The following RBFOX2 variants were observed in gnomAD, a reference collection of about 807,000 sequenced individuals.
RBFOX2 encodes the protein RNA binding fox-1 homolog 2.
A neutral mutation model predicts 49.1 loss-of-function variants in RBFOX2; 10 were observed. That is an observed-to-expected ratio of 0.20 (90% CI 0.13 to 0.35). The LOEUF (loss-of-function observed/expected upper bound fraction) is 0.35. RBFOX2 is among the 10% of genes least tolerant of loss of function. RBFOX2 has a pLI of 1.00. For missense variants in RBFOX2, 323 were observed against 486.9 expected (o/e 0.66, Z 3.17); for synonymous variants, 183 against 187.4 (o/e 0.98, Z 0.19).
At chr22:35,940,947 C>T (rs1235424076), upstream of RBFOX2, among the ~76,000 whole-genome samples, 11 of 152,096 alleles carry the variant, frequency 7.2e-5, no homozygotes. Flanking sequence ...TGACTGCTAA[C>T]GGCTACCAGG....
At chr22:35,819,020 C>A (rs1438673336) in intron 1 of RBFOX2, among the ~76,000 whole-genome samples, 1 of 152,092 alleles carries the variant, frequency 6.6e-6, no homozygotes, top group Non-Finnish European at 1.5e-5. Context: ...TGTCTACAAC[C>A]ATGGTTACAT....
At chr22:35,804,340 T>A (rs1950312020) in intron 2 of RBFOX2, among the ~76,000 whole-genome samples, 1 of 151,742 alleles carries the variant, frequency 6.6e-6, no homozygotes, top group African/African-American at 2.4e-5. Context: ...AAAAAAAAAT[T>A]TGAAGAAATT....
Position 36,028,363 on chromosome 22 carries a change from GC to G in RBFOX2, c.62del (p.Gly21AlafsTer2). The G allele has an allele frequency of 1.4e-6, 2 of 1,392,122 alleles. No homozygotes were observed. Among genetic ancestry groups the G allele is most frequent in the Non-Finnish European group, 1.9e-6 (2 of 1,072,030 alleles). The allele number at this position is 1,392,122 out of a possible 1,614,324, so 86.2% of individuals were successfully genotyped here. The stretch of plus-strand genomic sequence containing the variant: ...GCTCCAGCTCCGACTCCCGCTTCAT[GC>G]CCCGGGCGGCGGCGCCGGGCCCGAG... On this transcript the variant is annotated frameshift_variant, in exon 1 of 14. Transcript: ENST00000438146. LOFTEE classifies it high-confidence loss of function.
rs976763447 is a variant in RBFOX2, at chr22:36,009,495, T to C, written c.186+18745A>G. On this transcript the variant is annotated intron_variant, in intron 1 of 13. Transcript: ENST00000438146. ...CTCAAGAGGTCCTCCCACCTCAGCC[T>C]ACCGAGTAGCTGGGACTACAGGCAC... Among the ~76,000 whole-genome samples, 23 of 152,210 alleles carry C rather than the reference T, an allele frequency of 1.5e-4. 1 individual carries two copies. Among genetic ancestry groups the C allele is most frequent in the African/African-American group, 5.5e-4 (23 of 41,456 alleles).
intron 1 of RBFOX2, among the ~76,000 whole-genome samples, chr22:35,828,252 T>C (rs1430904627): frequency 6.6e-6 from 1 of 151,746 alleles, no homozygotes; most frequent in Admixed American, 6.6e-5. Flanking sequence ...ACTCAAGACA[T>C]TGTCTAGTAG....
intron 1 of RBFOX2, among the ~76,000 whole-genome samples, chr22:36,008,852 T>C (rs2058711873): frequency 6.6e-6 from 1 of 152,246 alleles, no homozygotes; most frequent in African/African-American, 2.4e-5. Context: ...CATACCTGTC[T>C]GAAATAGTTA....
At chr22:35,783,329 C>A (rs1945619567) in intron 2 of RBFOX2, among the ~76,000 whole-genome samples, 1 of 152,246 alleles carries the variant, frequency 6.6e-6, no homozygotes, top group Non-Finnish European at 1.5e-5. Context: ...AATCACGCTG[C>A]CTTTCCACGT....
intron 2 of RBFOX2, among the ~76,000 whole-genome samples, chr22:35,786,058 G>A (rs933607643): frequency 6.6e-6 from 1 of 152,182 alleles, no homozygotes; most frequent in South Asian, 2.1e-4. Flanking sequence ...TCTGAGGAAA[G>A]TTAAAAAGAC....
At chr22:35,944,813 C>T (rs1048895043) in intron 1 of RBFOX2, among the ~76,000 whole-genome samples, 3 of 152,088 alleles carry the variant, frequency 2.0e-5, no homozygotes, top group African/African-American at 4.8e-5. Flanking sequence ...CGGCGGCTCA[C>T]GGCTGTAATC....
At chr22:35,889,913 T>A (rs2047044223) in intron 1 of RBFOX2, among the ~76,000 whole-genome samples, 1 of 152,166 alleles carries the variant, frequency 6.6e-6, no homozygotes, top group African/African-American at 2.4e-5. Flanking sequence ...CCAGAAACTT[T>A]CACAGATTAT....
At chr22:35,857,678 C>T (rs2042664337) in intron 1 of RBFOX2, among the ~76,000 whole-genome samples, 1 of 152,106 alleles carries the variant, frequency 6.6e-6, no homozygotes, top group Admixed American at 6.6e-5. Context: ...CTGATGCAGT[C>T]TGTAACATTT....
At position 35,783,654 on chromosome 22, in the gene RBFOX2, T is replaced by G. The variant is rs1341246933; in HGVS notation, c.253-1908A>C. Among the ~76,000 whole-genome samples, 6 of 152,174 alleles carry G rather than the reference T, an allele frequency of 3.9e-5. No homozygotes were observed. In the South Asian group the frequency reaches 6.2e-4, roughly 16 times the overall value. ...TGCAGAGAACATCCGGAATCAGAAG[T>G]GAACACCTGAATAATGACCTTCCGG... On this transcript the variant is annotated intron_variant, in intron 2 of 11. Coordinates refer to ENST00000405409, the Ensembl canonical transcript of RBFOX2.
chr22:35,874,636 T>C (rs931602971), intron 1 of RBFOX2, among the ~76,000 whole-genome samples: 3 of 152,172 alleles, frequency 2.0e-5, no homozygotes, highest in African/African-American at 7.2e-5. Flanking sequence ...ATCATAGCTA[T>C]TAATGGGTTC....
intron 9 of RBFOX2, among the ~76,000 whole-genome samples, chr22:35,753,748 TAAC>T (rs999668710): frequency 5.3e-5 from 8 of 149,650 alleles, no homozygotes; most frequent in African/African-American, 1.7e-4. Flanking sequence ...TTGGTTGACT[TAAC>T]AAGTTTGAAG....
At chr22:35,960,516 C>T (rs528546142) in intron 1 of RBFOX2, among the ~76,000 whole-genome samples, 1 of 152,268 alleles carries the variant, frequency 6.6e-6, no homozygotes, top group South Asian at 2.1e-4. Flanking sequence ...AATGGGTCAC[C>T]TCAGAAGATG....
At chr22:35,896,040 A>G (rs914645370) in intron 1 of RBFOX2, among the ~76,000 whole-genome samples, 1 of 152,166 alleles carries the variant, frequency 6.6e-6, no homozygotes, top group African/African-American at 2.4e-5. Flanking sequence ...TGCCAATGTC[A>G]ATGCCCATAC....
At chr22:36,017,974 A>G (rs1441144561) in intron 1 of RBFOX2, among the ~76,000 whole-genome samples, 1 of 152,216 alleles carries the variant, frequency 6.6e-6, no homozygotes, top group Non-Finnish European at 1.5e-5. Context: ...TAACATTCAC[A>G]TATCACACAA....
chr22:35,786,113 T>G (rs1946339587), intron 2 of RBFOX2, among the ~76,000 whole-genome samples: 1 of 152,238 alleles, frequency 6.6e-6, no homozygotes, highest in South Asian at 2.1e-4. Context: ...TAACTTTATA[T>G]GTAGCCCATG....
chr22:35,970,135 T>C (rs576354672), intron 1 of RBFOX2, among the ~76,000 whole-genome samples: 1 of 152,194 alleles, frequency 6.6e-6, no homozygotes, highest in African/African-American at 2.4e-5. Flanking sequence ...TCTCCGTCGG[T>C]TGCAATGCTA....
Sources: allele counts gnomAD v4.1 joint callset (sites outside exome capture counted in the v4.1 genomes callset), GRCh38; gene constraint gnomAD v4.1.1; transcripts MANE v1.5; gene names NCBI Gene and HGNC (gene_info 2026-07-23, HGNC 2026-07-21).